The following ITPR2 variants were observed in gnomAD, a reference collection of about 807,000 sequenced individuals.
ITPR2 encodes the protein inositol 1,4,5-trisphosphate receptor type 2.
Under a neutral mutation model 317.1 loss-of-function variants are expected in ITPR2, and 207 were observed. That is an observed-to-expected ratio of 0.65 (90% confidence interval 0.58 to 0.73). ITPR2 has a LOEUF of 0.73. Among genes scored for constraint, ITPR2 ranks in the 30% least tolerant of loss-of-function variants. The pLI, the probability that ITPR2 is intolerant of heterozygous loss-of-function variation, is 0.00. For synonymous variants in ITPR2, 1,156 were observed against 1,149.1 expected, an observed-to-expected ratio of 1.01 and a Z score of -0.12; for missense variants, 2,613 against 3,284.0, an observed-to-expected ratio of 0.80 and a Z score of 4.99.
chr12:26,663,592 C>A, intron 15 of ITPR2, 93 bp downstream of exon 15: 1 of 1,170,638 alleles, frequency 8.5e-7, no homozygotes, highest in South Asian at 1.8e-5. Flanking sequence ...GTGAAATTTC[C>A]CATTCCTACT....
chr12:26,702,660 GA>G (rs1001985523), intron 9 of ITPR2, among the ~76,000 whole-genome samples: 5 of 152,092 alleles, frequency 3.3e-5, no homozygotes, highest in African/African-American at 1.2e-4. Context: ...GGCTAGTCTT[GA>G]ACTCCTGACC....
At chr12:26,773,037 G>A (rs1366916191) in intron 2 of ITPR2, among the ~76,000 whole-genome samples, 1 of 152,088 alleles carries the variant, frequency 6.6e-6, no homozygotes, top group Admixed American at 6.6e-5. Flanking sequence ...AGTTTGCTTA[G>A]AATGATAGCT....
At chr12:26,535,569 G>GAA (rs1944067124) in intron 37 of ITPR2, among the ~76,000 whole-genome samples, 1 of 152,206 alleles carries the variant, frequency 6.6e-6, no homozygotes, top group African/African-American at 2.4e-5. Context: ...AGAAGAAACA[G>GAA]TTATCTACCT....
intron 34 of ITPR2, among the ~76,000 whole-genome samples, chr12:26,574,215 TAA>T (rs76496267): frequency 0.012 from 1,587 of 137,642 alleles, 15 homozygotes; most frequent in African/African-American, 0.022. Flanking sequence ...GGGAACCTGT[TAA>T]AAAAAAAAAA....
At chr12:26,599,900 G>T in intron 29 of ITPR2, 87 bp downstream of exon 29, 1 of 928,682 alleles carries the variant, frequency 1.1e-6, no homozygotes, top group Non-Finnish European at 1.6e-6. Flanking sequence ...AAGCAAGGAA[G>T]TGTAACAAAA....
At chr12:26,568,249 C>T (rs11048585) in intron 34 of ITPR2, among the ~76,000 whole-genome samples, 79,004 of 150,384 alleles carry the variant, frequency 0.53, 21,450 homozygotes, top group South Asian at 0.65. Context: ...TAAGTTGGAA[C>T]GCAATTGAGA....
chr12:26,356,564 T>C (rs751740277), intron 55 of ITPR2, among the ~76,000 whole-genome samples: 1 of 152,210 alleles, frequency 6.6e-6, no homozygotes, highest in African/African-American at 2.4e-5. Flanking sequence ...CCATGAGCCA[T>C]AGATCAGTTT....
At chr12:26,811,091 T>A (rs1182118083) in intron 1 of ITPR2, among the ~76,000 whole-genome samples, 1 of 148,452 alleles carries the variant, frequency 6.7e-6, no homozygotes, top group Non-Finnish European at 1.5e-5. Context: ...ACTCCAAATA[T>A]CATGACAGAC....
At chr12:26,637,310 G>C (rs1439548258) in intron 21 of ITPR2, among the ~76,000 whole-genome samples, 1 of 152,026 alleles carries the variant, frequency 6.6e-6, no homozygotes, top group East Asian at 1.9e-4. Flanking sequence ...AAAAAATTAA[G>C]AACAAGTACA....
intron 54 of ITPR2, among the ~76,000 whole-genome samples, chr12:26,394,480 T>C (rs1258113329): frequency 1.3e-5 from 2 of 152,054 alleles, no homozygotes; most frequent in East Asian, 3.9e-4. Flanking sequence ...GCATTCCAAA[T>C]GAAATTGTTC....
chr12:26,419,972 GATA>G (rs1375945161), intron 49 of ITPR2: 1 of 152,068 alleles, frequency 6.6e-6, no homozygotes, highest in African/African-American at 2.4e-5. Flanking sequence ...CCCTATGTGT[GATA>G]ATAATTCAAT....
At chr12:26,735,589 T>C (rs1949107295) in intron 2 of ITPR2, among the ~76,000 whole-genome samples, 1 of 152,236 alleles carries the variant, frequency 6.6e-6, no homozygotes, top group African/African-American at 2.4e-5. Flanking sequence ...ATGTGTGGGT[T>C]TGTGCATGTG....
chr12:26,654,162 G>T (rs753482633), intron 20 of ITPR2, 36 bp from the exon 21 acceptor site: 4 of 1,498,708 alleles, frequency 2.7e-6, no homozygotes, highest in South Asian at 2.5e-5. Flanking sequence ...GGGGGAGGGT[G>T]AAAGAGTGGA....
chr12:26,622,326 C>A lies in ITPR2; in HGVS notation c.3202G>T (p.Asp1068Tyr). The A allele has an allele frequency of 1.2e-6, 2 of 1,613,958 alleles. No individual in the cohort carries two copies. The highest frequency in any genetic ancestry group is 2.2e-5 in the South Asian group (2 of 91,046). Residue 1068 changes from aspartate to tyrosine, a missense_variant, in exon 25 of 57, where the codon GAC (aspartate) becomes TAC (tyrosine). Coordinates refer to ENST00000381340, the MANE Select transcript of ITPR2 (RefSeq NM_002223.4). Reference protein sequence around the residue: ...LRVLIHLIMHDYPPLLSGALQ... With the variant: ...LRVLIHLIMHYYPPLLSGALQ... ...GCTCCAGACAGCAAAGGCGGGTAGTCGTGCATGATCAGATGAATGAGGACC... is the reference window on the plus strand; with the variant it reads ...GCTCCAGACAGCAAAGGCGGGTAGTAGTGCATGATCAGATGAATGAGGACC...
At chr12:26,394,024 C>T (rs932057971) in intron 54 of ITPR2, among the ~76,000 whole-genome samples, 3 of 152,020 alleles carry the variant, frequency 2.0e-5, no homozygotes, top group Non-Finnish European at 4.4e-5. Context: ...ATGGATAAGA[C>T]ATGGATCTGG....
intron 1 of ITPR2, among the ~76,000 whole-genome samples, chr12:26,809,414 C>T (rs1273007804): frequency 6.6e-6 from 1 of 152,178 alleles, no homozygotes; most frequent in Non-Finnish European, 1.5e-5. Flanking sequence ...ATCAAATGTA[C>T]ACAATGAATT....
intron 20 of ITPR2, among the ~76,000 whole-genome samples, chr12:26,654,491 GA>G (rs1160419348): frequency 6.6e-6 from 1 of 152,170 alleles, no homozygotes; most frequent in African/African-American, 2.4e-5. Flanking sequence ...AATTTGCCCA[GA>G]AATCTATGTT....
Position 26,427,954 on chromosome 12 carries a change from T to C in ITPR2, c.6904A>G (p.Ile2302Val), listed in dbSNP as rs755862313. ...AGTATTAATGTAGGCCCAAGACCTA[T>C]TGTATATATTGATCTGAGCATTATT... ...VSIMLRSIYT[I>V]GLGPTLILLG... The change falls in exon 49 of 57, where the codon ATA becomes GTA. Residue 2302 changes from isoleucine to valine, a missense_variant. Physicochemically the swap from Ile to Val is conservative, Grantham distance 29 (BLOSUM62 3). This residue lies in a region of ITPR2 where 78 missense variants were observed against 110.3 expected (regional missense o/e 0.71). Coordinates refer to ENST00000381340, the MANE Select transcript of ITPR2 (RefSeq NM_002223.4). 6 of 1,610,992 alleles carry C rather than the reference T, an allele frequency of 3.7e-6. No homozygotes were observed. Among genetic ancestry groups the C allele is most frequent in the Non-Finnish European group, 5.1e-6 (6 of 1,178,600 alleles).
chr12:26,655,980 T>G, intron 19 of ITPR2, 128 bp from the exon 20 acceptor site: 1 of 916,568 alleles, frequency 1.1e-6, no homozygotes, highest in South Asian at 1.7e-5. Flanking sequence ...GGCTGGGTCC[T>G]CATCTGTAAA....
Sources: allele counts gnomAD v4.1 joint callset (sites outside exome capture counted in the v4.1 genomes callset), GRCh38; gene constraint gnomAD v4.1.1; regional missense constraint gnomAD v4.1.1; transcripts MANE v1.5; gene names NCBI Gene and HGNC (gene_info 2026-07-23, HGNC 2026-07-21).